The following LIMCH1 variants were observed in gnomAD, a reference collection of about 807,000 sequenced individuals.
The protein encoded by LIMCH1 is LIM and calponin homology domains-containing protein 1.
Under a neutral mutation model 176.5 loss-of-function variants are expected in LIMCH1, and 113 were observed. The ratio of observed to expected loss-of-function variants is 0.64; its 90% CI spans 0.55 to 0.75. LIMCH1 has a LOEUF of 0.75. Ranked by LOEUF, LIMCH1 falls within the 30% of genes least tolerant of loss-of-function variation. The pLI is 0.00. For synonymous variants in LIMCH1, 619 were observed against 645.9 expected (o/e 0.96, Z 0.63); for missense variants, 1,674 against 1,814.9 (o/e 0.92, Z 1.41).
chr4:41,659,659 C>G (rs890969389), intron 18 of LIMCH1, among the ~76,000 whole-genome samples: 4 of 152,102 alleles, frequency 2.6e-5, no homozygotes, highest in African/African-American at 9.6e-5. Context: ...CTGAAACCAA[C>G]TTTAGCCTTT....
intron 2 of LIMCH1, among the ~76,000 whole-genome samples, chr4:41,521,034 T>G (rs996617908): frequency 2.0e-5 from 3 of 152,234 alleles, no homozygotes; most frequent in South Asian, 2.1e-4. Flanking sequence ...ACTTGGATCC[T>G]ATGTGTCTTA....
At chr4:41,428,311 A>G (rs989235789) in intron 1 of LIMCH1, among the ~76,000 whole-genome samples, 2 of 152,204 alleles carry the variant, frequency 1.3e-5, no homozygotes, top group Non-Finnish European at 2.9e-5. Context: ...TATAATGGTA[A>G]TAATAGTAGT....
At chr4:41,574,145 G>A (rs1342343861) in intron 1 of LIMCH1, among the ~76,000 whole-genome samples, 3 of 151,886 alleles carry the variant, frequency 2.0e-5, no homozygotes, top group African/African-American at 2.4e-5. Context: ...GATCTGGCAG[G>A]GGTCATCAAG....
intron 1 of LIMCH1, among the ~76,000 whole-genome samples, chr4:41,488,517 C>A (rs2070140700): frequency 6.6e-6 from 1 of 152,064 alleles, no homozygotes; most frequent in Non-Finnish European, 1.5e-5. Context: ...AGGATACTAA[C>A]AAAATAATTG....
chr4:41,369,884 T>C (rs1010584515), intron 1 of LIMCH1, among the ~76,000 whole-genome samples: 5 of 147,662 alleles, frequency 3.4e-5, no homozygotes, highest in Non-Finnish European at 7.5e-5. Flanking sequence ...GATTGGCACT[T>C]GGACTTGGCT....
chr4:41,433,595 CA>C (rs1316081297), intron 1 of LIMCH1, among the ~76,000 whole-genome samples: 2 of 152,036 alleles, frequency 1.3e-5, no homozygotes, highest in African/African-American at 4.8e-5. Context: ...TGGGCGCCCT[CA>C]TAGCATGGTG....
chr4:41,623,978 A>G (rs1344410094), intron 7 of LIMCH1, among the ~76,000 whole-genome samples: 1 of 152,168 alleles, frequency 6.6e-6, no homozygotes, highest in African/African-American at 2.4e-5. Flanking sequence ...TTTTTCTTCT[A>G]TTTTATTTTA....
At chr4:41,457,092 T>C (rs2064703660) in intron 1 of LIMCH1, among the ~76,000 whole-genome samples, 1 of 152,188 alleles carries the variant, frequency 6.6e-6, no homozygotes, top group South Asian at 2.1e-4. Context: ...TTTGGTTAGA[T>C]ACAGAGAAAA....
intron 1 of LIMCH1, among the ~76,000 whole-genome samples, chr4:41,416,497 C>CAAA (rs201179645): frequency 2.3e-4 from 33 of 143,200 alleles, no homozygotes; most frequent in African/African-American, 8.4e-4. Context: ...ACTAAAAATA[C>CAAA]AAAAAAAAAA....
At chr4:41,666,502 C>A in intron 20 of LIMCH1, 59 bp from the exon 21 acceptor site, 1 of 1,011,524 alleles carries the variant, frequency 9.9e-7, no homozygotes, top group Non-Finnish European at 1.6e-6. Flanking sequence ...TTGTGTGTCA[C>A]CTGTGCATTT....
intron 1 of LIMCH1, among the ~76,000 whole-genome samples, chr4:41,402,217 C>A (rs1301308419): frequency 6.6e-6 from 1 of 152,088 alleles, no homozygotes; most frequent in African/African-American, 2.4e-5. Flanking sequence ...CCAAAAGACA[C>A]ATGAAAAATG....
At chr4:41,533,718 AG>A, upstream of LIMCH1, among the ~76,000 whole-genome samples, 1 of 152,326 alleles carries the variant, frequency 6.6e-6, no homozygotes, top group African/African-American at 2.4e-5. Flanking sequence ...ATAATATGCA[AG>A]AAAGACCAAG....
chr4:41,631,736 C>T (rs1178732218), intron 10 of LIMCH1, among the ~76,000 whole-genome samples: 3 of 152,184 alleles, frequency 2.0e-5, no homozygotes, highest in African/African-American at 7.2e-5. Flanking sequence ...CCCTTTTTCC[C>T]TTGGCTGCAT....
chr4:41,505,135 G>A (rs766847562), intron 2 of LIMCH1, among the ~76,000 whole-genome samples: 12 of 152,108 alleles, frequency 7.9e-5, no homozygotes, highest in East Asian at 1.9e-4. Flanking sequence ...ACTTTCCCCC[G>A]TTCGTCTATG....
chr4:41,675,122 G>A (rs2095172146), intron 22 of LIMCH1, among the ~76,000 whole-genome samples: 1 of 152,186 alleles, frequency 6.6e-6, no homozygotes, highest in Non-Finnish European at 1.5e-5. Context: ...AGTACAAAAT[G>A]AGGCCCAAGT....
At position 41,619,221 on chromosome 4, in the gene LIMCH1, A is replaced by G; in HGVS notation, c.239A>G (p.His80Arg). ...AGCGACTCTGAATCCGACTTGCCTC[A>G]TCGGAAGCTGCCAGATGTGAAGAAG... ...RGSDSESDLP[H>R]RKLPDVKKDD... The change falls in exon 6 of 32, where the codon CAT becomes CGT. Residue 80 changes from histidine (H) to arginine (R), a missense_variant. Around this residue, in one of 3 missense-constraint regions of LIMCH1, gnomAD observed 655 missense variants for 692.2 expected, o/e 0.95. Coordinates refer to ENST00000503057, the MANE Select transcript of LIMCH1 (RefSeq NM_001330672.2). 1.2e-6 allele frequency: 2 copies of G among 1,614,178 alleles called. No individual in the cohort carries two copies. The highest frequency in any genetic ancestry group is 1.3e-5 in the African/African-American group (1 of 75,040).
chr4:41,619,373 G>A lies in LIMCH1; in HGVS notation c.391G>A (p.Glu131Lys), dbSNP rs771248996. The A allele has an allele frequency of 2.5e-6, 4 of 1,614,014 alleles. No homozygotes were observed. The highest frequency in any genetic ancestry group is 1.7e-5 in the Admixed American group (1 of 60,026). Residue 131 changes from glutamate (E) to lysine (K), a missense_variant, in exon 6 of 32, where the codon GAG becomes AAG. By Grantham distance (56) the Glu-to-Lys change is moderately conservative (BLOSUM62 1). This residue lies in a region of LIMCH1 where 655 missense variants were observed against 692.2 expected (regional missense o/e 0.95). Coordinates refer to ENST00000503057, the MANE Select transcript of LIMCH1 (RefSeq NM_001330672.2). ...VPAPLRKKKA[E>K]REEYRKSWST... is the part of the protein sequence containing the mutation. ...CGCGCCTCTGAGAAAGAAGAAAGCA[G>A]AGAGAGAGGAATACCGCAAGAGCTG...
At chr4:41,561,192 A>G (rs1333692367) in intron 1 of LIMCH1, among the ~76,000 whole-genome samples, 4 of 152,220 alleles carry the variant, frequency 2.6e-5, no homozygotes, top group African/African-American at 7.2e-5. Flanking sequence ...AAAAGAAACA[A>G]TACTGTGCTC....
intron 1 of LIMCH1, among the ~76,000 whole-genome samples, chr4:41,481,379 C>T (rs539133875): frequency 6.2e-4 from 95 of 152,352 alleles, no homozygotes; most frequent in Non-Finnish European, 9.7e-4. Flanking sequence ...AGTCTGGACT[C>T]ATCCTTGCTG....
Sources: allele counts gnomAD v4.1 joint callset (sites outside exome capture counted in the v4.1 genomes callset), GRCh38; gene constraint gnomAD v4.1.1; regional missense constraint gnomAD v4.1.1; transcripts MANE v1.5; gene names NCBI Gene and HGNC (gene_info 2026-07-23, HGNC 2026-07-21).